KCNH5: variants seen among roughly 807,000 people sequenced by gnomAD.
The protein encoded by KCNH5 is potassium voltage-gated channel subfamily H member 5, also known as voltage-gated delayed rectifier potassium channel KCNH5.
Under a neutral mutation model 96.1 loss-of-function variants are expected in KCNH5, and 46 were observed. That is an observed-to-expected ratio of 0.48 (90% CI 0.38 to 0.61). KCNH5 has a LOEUF of 0.61. Among genes scored for constraint, KCNH5 ranks in the 20% least tolerant of loss-of-function variants. The pLI is 0.00. For synonymous variants in KCNH5, 439 were observed against 449.8 expected (o/e 0.98, Z 0.30); for missense variants, 907 against 1,225.8 (o/e 0.74, Z 3.88).
At chr14:62,738,985 G>A (rs2151764) in intron 10 of KCNH5, among the ~76,000 whole-genome samples, 149,220 of 152,200 alleles carry the variant, frequency 0.98, 73,209 homozygotes, top group East Asian at 1. Context: ...AGAGAAAGGG[G>A]GAGGATGTAA....
intron 7 of KCNH5, among the ~76,000 whole-genome samples, chr14:62,903,539 G>A (rs916957761): frequency 1.3e-5 from 2 of 152,130 alleles, no homozygotes; most frequent in African/African-American, 2.4e-5. Flanking sequence ...TTTCATAAGC[G>A]TTTGGTCAGA....
intron 1 of KCNH5, among the ~76,000 whole-genome samples, chr14:63,044,016 A>G (rs1891875016): frequency 6.6e-6 from 1 of 152,184 alleles, no homozygotes; most frequent in Admixed American, 6.5e-5. Flanking sequence ...TATTGTTTCA[A>G]TGAATGAATA....
chr14:62,950,709 A>G, intron 6 of KCNH5, 150 bp from the exon 7 acceptor site: 1 of 555,898 alleles, frequency 1.8e-6, no homozygotes. Context: ...TAAGAAAACA[A>G]AAAAGTCAAA....
chr14:62,995,144 T>C (rs1456604793), intron 4 of KCNH5, among the ~76,000 whole-genome samples: 1 of 151,916 alleles, frequency 6.6e-6, no homozygotes, highest in Non-Finnish European at 1.5e-5. Context: ...CTTTCAATCA[T>C]ATGTCTAAGT....
chr14:62,916,841 G>A (rs1889285039), intron 7 of KCNH5, among the ~76,000 whole-genome samples: 1 of 152,138 alleles, frequency 6.6e-6, no homozygotes, highest in Admixed American at 6.5e-5. Flanking sequence ...CCCAACAAAT[G>A]ATTGATTTAT....
In KCNH5 at chr14:62,721,223, C is replaced by G. The variant is rs145647104; in HGVS notation, c.2020-12768G>C. Among the ~76,000 whole-genome samples, 254 of 152,258 alleles carry G rather than the reference C, an allele frequency of 1.7e-3. 1 individual carries two copies. The highest frequency in any genetic ancestry group is 6.0e-3 in the African/African-American group (249 of 41,556). On this transcript the variant is annotated intron_variant, in intron 10 of 10. Transcript: ENST00000322893. ...TTGGAGAATTTGTCCTATTTTAGGACTGTAGGGCTTCCTCAGCTACTTCCT... is the reference window on the plus strand; with the variant it reads ...TTGGAGAATTTGTCCTATTTTAGGAGTGTAGGGCTTCCTCAGCTACTTCCT...
chr14:62,941,507 A>C (rs1041480050), intron 7 of KCNH5, among the ~76,000 whole-genome samples: 6 of 152,158 alleles, frequency 3.9e-5, no homozygotes, highest in Non-Finnish European at 8.8e-5. Context: ...GGGCTCCATA[A>C]AATGTTTTTT....
intron 7 of KCNH5, among the ~76,000 whole-genome samples, chr14:62,928,903 G>A (rs1889527044): frequency 6.6e-6 from 1 of 151,956 alleles, no homozygotes; most frequent in Admixed American, 6.6e-5. Flanking sequence ...TCAATATCAA[G>A]GAGGGTTCAA....
chr14:62,941,525 G>A (rs899927861), intron 7 of KCNH5, among the ~76,000 whole-genome samples: 13 of 151,918 alleles, frequency 8.6e-5, no homozygotes, highest in African/African-American at 2.2e-4. Flanking sequence ...TTTCTCATGC[G>A]AAACTCAGCT....
intron 1 of KCNH5, among the ~76,000 whole-genome samples, chr14:63,038,692 A>C (rs1459881588): frequency 6.6e-6 from 1 of 152,060 alleles, no homozygotes; most frequent in Admixed American, 6.6e-5. Context: ...CCAAACACTA[A>C]AATGATGTCT....
At chr14:62,723,119 G>C (rs1884851571) in intron 10 of KCNH5, among the ~76,000 whole-genome samples, 1 of 151,886 alleles carries the variant, frequency 6.6e-6, no homozygotes, top group Admixed American at 6.6e-5. Flanking sequence ...ACCTAGGGTA[G>C]ATACAATATC....
intron 10 of KCNH5, among the ~76,000 whole-genome samples, chr14:62,761,635 A>T (rs2139956428): frequency 6.6e-6 from 1 of 152,340 alleles, no homozygotes; most frequent in Non-Finnish European, 1.5e-5. Flanking sequence ...TTGTAATACA[A>T]GTCTATAAAA....
intron 7 of KCNH5, among the ~76,000 whole-genome samples, chr14:62,939,768 C>T (rs1322832725): frequency 6.6e-6 from 1 of 152,034 alleles, no homozygotes; most frequent in Non-Finnish European, 1.5e-5. Flanking sequence ...GGTGAAACCC[C>T]CAACTCTACT....
At chr14:62,754,854 G>T (rs891956450) in intron 10 of KCNH5, among the ~76,000 whole-genome samples, 12 of 151,560 alleles carry the variant, frequency 7.9e-5, no homozygotes, top group Non-Finnish European at 1.3e-4. Flanking sequence ...CAGCCTGGGT[G>T]ACAAAGCAAG....
At chr14:63,002,812 C>T (rs1566536297) in intron 3 of KCNH5, among the ~76,000 whole-genome samples, 1 of 152,092 alleles carries the variant, frequency 6.6e-6, no homozygotes, top group African/African-American at 2.4e-5. Context: ...TATGGAAGGA[C>T]GTGGCCCTTT....
intron 8 of KCNH5, among the ~76,000 whole-genome samples, chr14:62,819,940 C>G (rs1249344709): frequency 2.0e-5 from 3 of 152,152 alleles, no homozygotes; most frequent in Non-Finnish European, 4.4e-5. Flanking sequence ...TAGAGAAGAA[C>G]ATCTCATGAG....
chr14:62,941,573 A>T (rs576418849), intron 7 of KCNH5, among the ~76,000 whole-genome samples: 2 of 152,314 alleles, frequency 1.3e-5, no homozygotes, highest in South Asian at 4.1e-4. Context: ...TTTCTTTACA[A>T]GCTATGGTAA....
In KCNH5 at chr14:62,781,016, AAAG is replaced by A. The variant is rs1055612142; in HGVS notation, c.1823-1095_1823-1093del. Among the ~76,000 whole-genome samples the A allele has an allele frequency of 8.6e-4, 131 of 152,040 alleles. 1 individual carries two copies. The highest frequency in any genetic ancestry group is 5.8e-4 in the East Asian group (3 of 5,170). On this transcript the variant is annotated intron_variant, in intron 9 of 10. Coordinates refer to ENST00000322893, the MANE Select transcript of KCNH5 (RefSeq NM_139318.5). ...AAAATCAGAACTAACAGGAAAAAAA[AAAG>A]AAGAAGACCTTTATCGGGGAATCTG...
At chr14:62,819,052 C>T (rs1014620585) in intron 8 of KCNH5, among the ~76,000 whole-genome samples, 4 of 152,300 alleles carry the variant, frequency 2.6e-5, no homozygotes, top group Non-Finnish European at 4.4e-5. Flanking sequence ...CTGAAAGCTC[C>T]GCCTTCCGGG....
Sources: allele counts gnomAD v4.1 joint callset (sites outside exome capture counted in the v4.1 genomes callset), GRCh38; gene constraint gnomAD v4.1.1; transcripts MANE v1.5; gene names NCBI Gene and HGNC (gene_info 2026-07-23, HGNC 2026-07-21).